VWC2L: variants seen among roughly 807,000 people sequenced by gnomAD.
VWC2L encodes the protein von Willebrand factor C domain-containing protein 2-like.
In VWC2L, 10 loss-of-function variants were observed where a neutral mutation model predicts 21.6. The observed-to-expected ratio is 0.46, with a 90% CI of 0.29 to 0.78. VWC2L has a LOEUF of 0.78. VWC2L is among the 30% of genes least tolerant of loss of function. VWC2L has a pLI of 0.10. For synonymous variants in VWC2L, 96 were observed against 94.3 expected, an observed-to-expected ratio of 1.02 and a Z score of -0.10; for missense variants, 209 against 277.1, an observed-to-expected ratio of 0.75 and a Z score of 1.74.
At chr2:214,417,621 A>G (rs886663909) in intron 2 of VWC2L, among the ~76,000 whole-genome samples, 1 of 152,166 alleles carries the variant, frequency 6.6e-6, no homozygotes, top group African/African-American at 2.4e-5. Flanking sequence ...GGAGATGGGT[A>G]TAATTGGAAG....
chr2:214,429,339 T>C (rs1233249763), intron 2 of VWC2L, among the ~76,000 whole-genome samples: 1 of 152,192 alleles, frequency 6.6e-6, no homozygotes, highest in East Asian at 1.9e-4. Context: ...ATCCAGCTTG[T>C]CAGTGAAGGA....
chr2:214,562,744 T>C (rs1225654731), intron 3 of VWC2L, among the ~76,000 whole-genome samples: 1 of 152,226 alleles, frequency 6.6e-6, no homozygotes, highest in Admixed American at 6.5e-5. Flanking sequence ...ATCAGTGATG[T>C]TGAGCTTTTC....
chr2:214,451,672 G>C (rs1189105372), intron 3 of VWC2L, among the ~76,000 whole-genome samples: 1 of 152,044 alleles, frequency 6.6e-6, no homozygotes, highest in African/African-American at 2.4e-5. Context: ...CACTCAAGAA[G>C]GCACAATAAT....
At chr2:214,440,328 T>C (rs190407784) in intron 3 of VWC2L, among the ~76,000 whole-genome samples, 2 of 152,152 alleles carry the variant, frequency 1.3e-5, no homozygotes, top group East Asian at 3.9e-4. Flanking sequence ...TAAGCATTTA[T>C]TTCTCTTTCC....
chr2:214,538,209 T>C (rs1689566914), intron 3 of VWC2L, among the ~76,000 whole-genome samples: 1 of 152,040 alleles, frequency 6.6e-6, no homozygotes, highest in Non-Finnish European at 1.5e-5. Context: ...AACCGCTAAA[T>C]GGCTCTTCAT....
chr2:214,551,598 T>A (rs1418544317), intron 3 of VWC2L, among the ~76,000 whole-genome samples: 2 of 152,226 alleles, frequency 1.3e-5, no homozygotes, highest in Middle Eastern at 3.2e-3. Flanking sequence ...TGACTCCCAT[T>A]TCATTCCAAT....
intron 3 of VWC2L, among the ~76,000 whole-genome samples, chr2:214,470,754 A>T (rs1197581799): frequency 7.9e-5 from 12 of 151,880 alleles, no homozygotes; most frequent in South Asian, 2.1e-4. Context: ...ACTAAAAAAA[A>T]ATATTAAAAT....
chr2:214,545,901 T>C (rs982303534), intron 3 of VWC2L, among the ~76,000 whole-genome samples: 2 of 152,148 alleles, frequency 1.3e-5, no homozygotes, highest in Non-Finnish European at 2.9e-5. Context: ...TAGTTCAAAT[T>C]TTACACACTA....
chr2:214,514,617 G>A (rs1689111247), intron 3 of VWC2L, among the ~76,000 whole-genome samples: 1 of 152,128 alleles, frequency 6.6e-6, no homozygotes, highest in South Asian at 2.1e-4. Flanking sequence ...ATACATTTTT[G>A]CAATCCTGTG....
chr2:214,441,403 TA>T (rs1341244897), intron 3 of VWC2L, among the ~76,000 whole-genome samples: 4 of 152,002 alleles, frequency 2.6e-5, no homozygotes, highest in Admixed American at 2.6e-4. Context: ...CTAATAAATA[TA>T]TAAAAAATAT....
intron 3 of VWC2L, among the ~76,000 whole-genome samples, chr2:214,462,127 A>G (rs1276195421): frequency 6.6e-6 from 1 of 152,180 alleles, no homozygotes; most frequent in East Asian, 1.9e-4. Context: ...TAGGCTCTCA[A>G]AATGGCACTG....
intron 3 of VWC2L, among the ~76,000 whole-genome samples, chr2:214,459,417 ATTTT>A (rs1030450579): frequency 2.6e-5 from 4 of 152,142 alleles, no homozygotes; most frequent in Non-Finnish European, 4.4e-5. Context: ...GTTATTATTT[ATTTT>A]GTTAATTATT....
At chr2:214,485,403 T>C (rs1278864651) in intron 3 of VWC2L, among the ~76,000 whole-genome samples, 1 of 152,216 alleles carries the variant, frequency 6.6e-6, no homozygotes, top group Admixed American at 6.5e-5. Context: ...CTAGGCTTGA[T>C]ATCTGATTTG....
chr2:214,470,378 G>A (rs1276778973), intron 3 of VWC2L, among the ~76,000 whole-genome samples: 1 of 151,954 alleles, frequency 6.6e-6, no homozygotes, highest in Non-Finnish European at 1.5e-5. Flanking sequence ...ATATCCCATA[G>A]GTACTTATAG....
rs572708034 is a variant in VWC2L, at chr2:214,437,757, A to T, written c.520+999A>T. On this transcript the variant is annotated intron_variant, in intron 3 of 3. Transcript: ENST00000312504. ...GTAATTAGTAAAAATAAGCATAAAG[A>T]TATCTTTTACCTTTTATAAAAGATA... Among the ~76,000 whole-genome samples, 5 of 152,280 alleles carry T rather than the reference A, an allele frequency of 3.3e-5. No homozygotes were observed. The South Asian group carries it at 8.3e-4, about 25-fold the overall frequency.
intron 2 of VWC2L, among the ~76,000 whole-genome samples, chr2:214,419,250 A>T (rs1384982968): frequency 2.6e-5 from 4 of 152,114 alleles, no homozygotes; most frequent in Non-Finnish European, 4.4e-5. Flanking sequence ...TCTTTCTTTT[A>T]TGTGCACCCC....
At chr2:214,434,555 C>T (rs575471129) in intron 2 of VWC2L, among the ~76,000 whole-genome samples, 39 of 152,250 alleles carry the variant, frequency 2.6e-4, no homozygotes, top group African/African-American at 9.4e-4. Context: ...GGATTCAAAT[C>T]CTGCCTTTGC....
At position 214,436,651 on chromosome 2, in the gene VWC2L, G is replaced by T. The variant is rs1356316869; in HGVS notation, c.413G>T (p.Arg138Leu). 6.2e-7 allele frequency: 1 copy of T among 1,613,182 alleles called. No individual in the cohort carries two copies. Among genetic ancestry groups the T allele is most frequent in the Non-Finnish European group, 8.5e-7 (1 of 1,179,396 alleles). The change falls in exon 3 of 4, where the codon CGC becomes CTC. Residue 138 changes from arginine to leucine, a missense_variant. Coordinates refer to ENST00000312504, the MANE Select transcript of VWC2L (RefSeq NM_001080500.4). Reference sequence around the variant, plus strand: ...TAGCCCTCTCCATGTGAATGGTGTCGCTGTGAGCCCAGCAATGAAGTTCAC... The same window carrying T: ...TAGCCCTCTCCATGTGAATGGTGTCTCTGTGAGCCCAGCAATGAAGTTCAC... Reference protein sequence around the residue: ...EFKPSPCEWCRCEPSNEVHCV... With the variant: ...EFKPSPCEWCLCEPSNEVHCV...
intron 3 of VWC2L, among the ~76,000 whole-genome samples, chr2:214,519,055 T>G (rs116560419): frequency 0.01 from 1,546 of 152,302 alleles, 27 homozygotes; most frequent in African/African-American, 0.035. Context: ...GTTTTCAGGT[T>G]GCTTATACAA....
Sources: allele counts gnomAD v4.1 joint callset (sites outside exome capture counted in the v4.1 genomes callset), GRCh38; gene constraint gnomAD v4.1.1; transcripts MANE v1.5; gene names NCBI Gene and HGNC (gene_info 2026-07-23, HGNC 2026-07-21).